RETREG3: variants seen among roughly 807,000 people sequenced by gnomAD.
RETREG3 encodes reticulophagy regulator 3.
RETREG3 carries 23 observed loss-of-function variants against 50.2 expected under a neutral mutation model. The ratio of observed to expected loss-of-function variants is 0.46; its 90% CI spans 0.33 to 0.65. RETREG3 has a LOEUF of 0.65. Among genes scored for constraint, RETREG3 ranks in the 30% least tolerant of loss-of-function variants. The probability of loss-of-function intolerance (pLI) is 0.02; values close to 1 mark genes in which losing one functional copy is unlikely to be tolerated. For synonymous variants in RETREG3, 240 were observed against 234.4 expected, an observed-to-expected ratio of 1.02 and a Z score of -0.22; for missense variants, 546 against 598.0, an observed-to-expected ratio of 0.91 and a Z score of 0.91.
chr17:42,590,892 G>C (rs572309149), intron 2 of RETREG3, among the ~76,000 whole-genome samples: 5 of 152,240 alleles, frequency 3.3e-5, no homozygotes, highest in African/African-American at 9.6e-5. Flanking sequence ...ACTTGAACCT[G>C]GGAGGCGGAG....
chr17:42,604,694 CAAAA>C (rs1007735904), intron 1 of RETREG3, among the ~76,000 whole-genome samples: 1 of 44,516 alleles, frequency 2.2e-5, no homozygotes, highest in African/African-American at 8.4e-5. Context: ...GATTCCCCAG[CAAAA>C]AAAAAAAAAA....
intron 1 of RETREG3, among the ~76,000 whole-genome samples, chr17:42,595,414 T>C (rs1003928247): frequency 5.9e-5 from 9 of 151,406 alleles, no homozygotes; most frequent in African/African-American, 1.2e-4. Context: ...CTTTTTTTTT[T>C]CTTCAGAGTC....
At chr17:42,588,250 A>G (rs1340769216) in intron 2 of RETREG3, among the ~76,000 whole-genome samples, 2 of 151,926 alleles carry the variant, frequency 1.3e-5, no homozygotes, top group Non-Finnish European at 2.9e-5. Context: ...CTAGAAATCC[A>G]CCTGTTGTGT....
chr17:42,598,673 CTTAGA>C (rs2093152776), intron 1 of RETREG3: 1 of 152,180 alleles, frequency 6.6e-6, no homozygotes, highest in Non-Finnish European at 1.5e-5. Flanking sequence ...CAAATCACAG[CTTAGA>C]TATCTTCCTG....
intron 1 of RETREG3, chr17:42,605,241 T>A (rs547632129): frequency 1.0e-4 from 10 of 95,926 alleles, no homozygotes; most frequent in Non-Finnish European, 1.7e-4. Context: ...AATTAAGAGC[T>A]ACCTACCTGA....
rs1330564535 is a variant in RETREG3 at position 42,586,907 on chromosome 17, G to A, written c.378-16C>T. ...AAAGCCCCAGCTATGGGAGAGAGAA[G>A]GGGGAGCTGTGAAAGGAGGGTGTTG... is the stretch of plus-strand genomic sequence containing the variant. On this transcript the variant is annotated splice_polypyrimidine_tract_variant and intron_variant, in intron 3 of 8. Transcript: ENST00000309428. 1 of 1,612,128 alleles carries A rather than the reference G, an allele frequency of 6.2e-7. No homozygotes were observed. The highest frequency in any genetic ancestry group is 8.5e-7 in the Non-Finnish European group (1 of 1,179,342).
At chr17:42,595,132 A>G (rs535076919) in intron 1 of RETREG3, among the ~76,000 whole-genome samples, 1 of 147,208 alleles carries the variant, frequency 6.8e-6, no homozygotes, top group African/African-American at 2.5e-5. Flanking sequence ...CGTCCAGCTA[A>G]TTTTTTTTGT....
chr17:42,581,916 G>C lies in RETREG3; in HGVS notation c.1298C>G (p.Ser433Cys). The C allele has an allele frequency of 6.2e-7, 1 of 1,614,158 alleles. No homozygotes were observed. The highest frequency in any genetic ancestry group is 1.3e-5 in the African/African-American group (1 of 75,046). Residue 433 changes from serine to cysteine, a missense_variant, in exon 9 of 9, where the codon TCC becomes TGC. Physicochemically the swap from Ser to Cys is moderately radical, Grantham distance 112. Coordinates refer to ENST00000309428, the MANE Select transcript of RETREG3 (RefSeq NM_178126.4). The stretch of plus-strand genomic sequence containing the variant: ...ATCAGTGTCCAGGTCTGAACTGGGG[G>C]ACCGGAGGAAGCCTCTCGTTGCTCT... ...AQRATRGFLR[S>C]PSSDLDTDAE...
intron 7 of RETREG3, among the ~76,000 whole-genome samples, chr17:42,583,057 T>A (rs2093113434): frequency 6.6e-6 from 1 of 152,104 alleles, no homozygotes; most frequent in Non-Finnish European, 1.5e-5. Context: ...AAAACACTCA[T>A]TCATAACCTC....
chr17:42,582,106 G>C lies in RETREG3; in HGVS notation c.1108C>G (p.Pro370Ala). 1 of 1,614,080 alleles carries C rather than the reference G, an allele frequency of 6.2e-7. No individual in the cohort carries two copies. The highest frequency in any genetic ancestry group is 1.7e-5 in the Admixed American group (1 of 60,022). ...SPPGAEEPQAPPASRDEAALP... is the reference protein window; with the variant it reads ...SPPGAEEPQAAPASRDEAALP... ...GCAGCCTCGTCCCGGCTGGCAGGTG[G>C]GGCCTGGGGCTCCTCAGCCCCTGGC... The change falls in exon 9 of 9, where the codon CCA becomes GCA. Residue 370 changes from proline to alanine, a missense_variant. Transcript: ENST00000309428.
At chr17:42,594,283 T>C (rs2093139174) in intron 1 of RETREG3, among the ~76,000 whole-genome samples, 1 of 152,200 alleles carries the variant, frequency 6.6e-6, no homozygotes, top group Non-Finnish European at 1.5e-5. Flanking sequence ...AGACTAGGCA[T>C]GGTGGCTGAC....
In RETREG3 at chr17:42,590,160, C is replaced by T. The variant is rs961067508; in HGVS notation, c.346+1896G>A. On this transcript the variant is annotated intron_variant, in intron 2 of 8. Coordinates refer to ENST00000309428, the MANE Select transcript of RETREG3 (RefSeq NM_178126.4). Reference sequence around the variant, plus strand: ...TGGAGGTTGCAGCGAGCCAAGATCGCGCCACTGCACTCCAGCCTGAGCAAC... The same window carrying T: ...TGGAGGTTGCAGCGAGCCAAGATCGTGCCACTGCACTCCAGCCTGAGCAAC... Among the ~76,000 whole-genome samples, 19 of 152,140 alleles carry T rather than the reference C, an allele frequency of 1.2e-4. No homozygotes were observed. The East Asian group carries it at 2.7e-3, about 22-fold the overall frequency.
intron 1 of RETREG3, among the ~76,000 whole-genome samples, chr17:42,604,717 A>T (rs1307918375): frequency 1.3e-5 from 2 of 151,742 alleles, no homozygotes; most frequent in Non-Finnish European, 2.9e-5. Flanking sequence ...AAAAAAAAAA[A>T]ACTGAAAGAG....
intron 3 of RETREG3, 106 bp from the exon 4 acceptor site, chr17:42,586,997 G>C (rs377520521): frequency 4.1e-6 from 6 of 1,461,756 alleles, no homozygotes; most frequent in Non-Finnish European, 4.6e-6. Flanking sequence ...TTTGGGGAGT[G>C]ACTAGGCCCA....
chr17:42,596,204 A>G (rs1169067312), intron 1 of RETREG3, among the ~76,000 whole-genome samples: 1 of 150,580 alleles, frequency 6.6e-6, no homozygotes, highest in Admixed American at 6.6e-5. Flanking sequence ...CCCTGTCTCT[A>G]TTTAAAAAAA....
At chr17:42,594,562 G>C (rs1389362501) in intron 1 of RETREG3, among the ~76,000 whole-genome samples, 2 of 151,658 alleles carry the variant, frequency 1.3e-5, no homozygotes. Context: ...TCAAAATAAA[G>C]GCTGGGCGCG....
rs762241883 is a variant in RETREG3 at position 42,592,145 on chromosome 17, G to A, written c.257C>T (p.Ser86Phe). The change falls in exon 2 of 9, where the codon TCT (serine) becomes TTT (phenylalanine). Residue 86 changes from serine (S) to phenylalanine (F), a missense_variant. Coordinates refer to ENST00000309428, the MANE Select transcript of RETREG3 (RefSeq NM_178126.4). ...NAAFWFFALT[S>F]LRLVFLLAFG... The stretch of plus-strand genomic sequence containing the variant: ...TGCAAGTAAAAACACAAGACGAAGA[G>A]ATGTCAGGGCAAAAAACCTACAGAG... The A allele has an allele frequency of 6.2e-7, 1 of 1,613,544 alleles. No homozygotes were observed. Among genetic ancestry groups the A allele is most frequent in the Non-Finnish European group, 8.5e-7 (1 of 1,179,848 alleles).
At position 42,586,317 on chromosome 17, in the gene RETREG3, A is replaced by C. The variant is rs576491003; in HGVS notation, c.505-180T>G. The C allele has an allele frequency of 5.7e-5, 35 of 609,828 alleles. No homozygotes were observed. The East Asian group carries it at 6.1e-4, about 11-fold the overall frequency. The allele number at this position is 609,828 out of a possible 1,614,324, so 37.8% of individuals were successfully genotyped here. On this transcript the variant is annotated intron_variant, in intron 4 of 8. Transcript: ENST00000309428. ...AAAAGGAGCATGTCCCCTTCTATTC[A>C]AACTCCTTTTACATGGCTAACCCCA... is the stretch of plus-strand genomic sequence containing the variant.
intron 2 of RETREG3, among the ~76,000 whole-genome samples, chr17:42,588,377 C>T (rs1286406781): frequency 1.3e-5 from 2 of 151,902 alleles, no homozygotes; most frequent in East Asian, 1.9e-4. Context: ...TCCTGAGTAG[C>T]TGGGACTACA....
Sources: allele counts gnomAD v4.1 joint callset (sites outside exome capture counted in the v4.1 genomes callset), GRCh38; gene constraint gnomAD v4.1.1; transcripts MANE v1.5; gene names NCBI Gene and HGNC (gene_info 2026-07-23, HGNC 2026-07-21).